Variants in SPIDR observed in about 807,000 individuals in gnomAD.
SPIDR encodes the protein scaffold protein involved in DNA repair.
Under a neutral mutation model 104.6 loss-of-function variants are expected in SPIDR, and 93 were observed. That is an observed-to-expected ratio of 0.89 (90% confidence interval 0.75 to 1.06). The LOEUF (loss-of-function observed/expected upper bound fraction) is 1.06. Among genes scored for constraint, SPIDR ranks in the 50% least tolerant of loss-of-function variants. The pLI, the probability that SPIDR is intolerant of heterozygous loss-of-function variation, is 0.00. For missense variants in SPIDR, 1,154 were observed against 1,111.2 expected, an observed-to-expected ratio of 1.04 and a Z score of -0.55; for synonymous variants, 431 against 416.9, an observed-to-expected ratio of 1.03 and a Z score of -0.41.
At chr8:47,638,070 G>A (rs2068240174) in intron 10 of SPIDR, among the ~76,000 whole-genome samples, 1 of 151,892 alleles carries the variant, frequency 6.6e-6, no homozygotes, top group Admixed American at 6.6e-5. Context: ...TTCCCTTGGA[G>A]TTATTTCAAT....
rs77155514 is a variant in SPIDR, at chr8:47,731,295, A to T, written c.2604+1830A>T. Among the ~76,000 whole-genome samples the T allele has an allele frequency of 7.7e-4, 117 of 151,014 alleles. 2 individuals are homozygous for T. In the East Asian group the frequency reaches 0.021, roughly 27 times the overall value. On this transcript the variant is annotated intron_variant, in intron 19 of 19. Coordinates refer to ENST00000297423, the MANE Select transcript of SPIDR (RefSeq NM_001080394.4). Reference sequence around the variant, plus strand: ...GGCTTCTGCTCCCTCCTGGCACAACACCCACCAGCTTTAAAGCTCCTCAGT... The same window carrying T: ...GGCTTCTGCTCCCTCCTGGCACAACTCCCACCAGCTTTAAAGCTCCTCAGT...
chr8:47,638,860 C>T (rs1312146891), intron 10 of SPIDR, among the ~76,000 whole-genome samples: 1 of 152,174 alleles, frequency 6.6e-6, no homozygotes, highest in African/African-American at 2.4e-5. Flanking sequence ...AGCATTATCA[C>T]ATACTCTAAA....
intron 7 of SPIDR, among the ~76,000 whole-genome samples, chr8:47,432,405 CA>C (rs1463197974): frequency 6.6e-6 from 1 of 152,090 alleles, no homozygotes; most frequent in African/African-American, 2.4e-5. Context: ...GGAGATGGGT[CA>C]GGAGCATCAT....
At chr8:47,311,453 T>G (rs2044135841) in intron 5 of SPIDR, among the ~76,000 whole-genome samples, 1 of 152,112 alleles carries the variant, frequency 6.6e-6, no homozygotes, top group African/African-American at 2.4e-5. Flanking sequence ...AGAAGTTCAG[T>G]GAATTCCAAA....
Position 47,677,126 on chromosome 8 carries a change from G to A in SPIDR, c.1685+3185G>A, listed in dbSNP as rs551367262. The stretch of plus-strand genomic sequence containing the variant: ...CTTCCTTCCTCTCCGGGGCACACCT[G>A]CTATTCCTCAATGACTCTCTACTAA... On this transcript the variant is annotated intron_variant, in intron 11 of 19. Transcript: ENST00000297423. 6.6e-5 allele frequency among the ~76,000 whole-genome samples: 10 copies of A among 152,298 alleles called. No individual in the cohort carries two copies. The East Asian group carries it at 1.5e-3, about 23-fold the overall frequency.
chr8:47,717,568 A>C (rs1374710117), intron 16 of SPIDR, among the ~76,000 whole-genome samples: 1 of 152,172 alleles, frequency 6.6e-6, no homozygotes, highest in African/African-American at 2.4e-5. Context: ...TGCCTGTGGC[A>C]GTAGGCCTGC....
At chr8:47,596,507 G>T (rs2061631863) in intron 9 of SPIDR, among the ~76,000 whole-genome samples, 1 of 152,104 alleles carries the variant, frequency 6.6e-6, no homozygotes, top group Admixed American at 6.5e-5. Flanking sequence ...GATAAAAAAT[G>T]GTGCACCTGT....
intron 14 of SPIDR, among the ~76,000 whole-genome samples, chr8:47,708,361 G>C (rs2081374152): frequency 6.6e-6 from 1 of 152,164 alleles, no homozygotes; most frequent in South Asian, 2.1e-4. Context: ...ATTTTTATTA[G>C]ACTTTTTTCT....
chr8:47,299,944 A>G (rs1045151523), intron 5 of SPIDR, among the ~76,000 whole-genome samples: 2 of 152,164 alleles, frequency 1.3e-5, no homozygotes, highest in Non-Finnish European at 2.9e-5. Flanking sequence ...AGGCTTTGGT[A>G]TCAGGATGAT....
intron 5 of SPIDR, among the ~76,000 whole-genome samples, chr8:47,302,634 C>G (rs1381600260): frequency 6.6e-6 from 1 of 152,102 alleles, no homozygotes; most frequent in Non-Finnish European, 1.5e-5. Flanking sequence ...GTGTGCATGT[C>G]CTTTGTGTTT....
At chr8:47,404,326 C>T (rs1320380953) in intron 6 of SPIDR, among the ~76,000 whole-genome samples, 2 of 152,164 alleles carry the variant, frequency 1.3e-5, no homozygotes, top group Admixed American at 1.3e-4. Context: ...AAAGCAATGG[C>T]AACAAAAGCC....
intron 7 of SPIDR, among the ~76,000 whole-genome samples, chr8:47,410,373 G>T (rs1332646146): frequency 6.6e-6 from 1 of 151,750 alleles, no homozygotes; most frequent in African/African-American, 2.4e-5. Context: ...TTGAGATGGG[G>T]TTTCGCCATG....
intron 11 of SPIDR, among the ~76,000 whole-genome samples, chr8:47,685,842 G>A (rs1335287014): frequency 4.7e-5 from 7 of 147,718 alleles, no homozygotes; most frequent in Non-Finnish European, 6.0e-5. Flanking sequence ...GTGAGCCACC[G>A]TACCTGGCCC....
At chr8:47,364,463 A>G (rs1554633042) in intron 5 of SPIDR, among the ~76,000 whole-genome samples, 2 of 152,212 alleles carry the variant, frequency 1.3e-5, no homozygotes, top group Non-Finnish European at 2.9e-5. Context: ...CAGAGCTTCA[A>G]TGCAAGTTTT....
intron 8 of SPIDR, among the ~76,000 whole-genome samples, chr8:47,454,622 C>T (rs1331770240): frequency 6.6e-5 from 10 of 151,896 alleles, no homozygotes; most frequent in African/African-American, 2.4e-4. Context: ...TACCCTAGAA[C>T]TTAAAGTATA....
Position 47,284,057 on chromosome 8 carries a change from A to G in SPIDR, c.219A>G (p.Thr73=), listed in dbSNP as rs1554561198. The change falls in exon 3 of 20, where the codon ACA becomes ACG. Residue 73 remains threonine, a synonymous_variant. Transcript: ENST00000297423. The part of the protein sequence containing the change: ...PSLTAEEKTI[T]EKHLELCPRP... ...TAACAGCTGAAGAGAAGACGATTAC[A>G]GAAAAGCACCTTGAATTATGCCCTA... The G allele has an allele frequency of 1.2e-6, 2 of 1,612,664 alleles. No individual in the cohort carries two copies. Among genetic ancestry groups the G allele is most frequent in the Admixed American group, 1.7e-5 (1 of 59,960 alleles).
In SPIDR at chr8:47,424,037, C is replaced by T. The variant is rs182230054; in HGVS notation, c.877+16076C>T. Among the ~76,000 whole-genome samples the T allele has an allele frequency of 6.6e-5, 10 of 152,264 alleles. No homozygotes were observed. The East Asian group carries it at 1.9e-3, about 29-fold the overall frequency. On this transcript the variant is annotated intron_variant, in intron 7 of 19. Coordinates refer to ENST00000297423, the MANE Select transcript of SPIDR (RefSeq NM_001080394.4). Reference sequence around the variant, plus strand: ...CCTTATTTTAGAGATGAGGACAATGCAGACACAGGAGAATATGGATGGGTA... The same window carrying T: ...CCTTATTTTAGAGATGAGGACAATGTAGACACAGGAGAATATGGATGGGTA...
rs138972660 is a variant in SPIDR, at chr8:47,676,190, G to A, written c.1685+2249G>A. Among the ~76,000 whole-genome samples the A allele has an allele frequency of 5.9e-3, 892 of 152,320 alleles. 5 individuals carry two copies. The highest frequency in any genetic ancestry group is 0.011 in the Non-Finnish European group (762 of 68,030). On this transcript the variant is annotated intron_variant, in intron 11 of 19. Coordinates refer to ENST00000297423, the MANE Select transcript of SPIDR (RefSeq NM_001080394.4). ...TGTGGTTGGCACTAGAAGCCTAACCGTCTGTAACATTTACATGGGAAATGT... is the reference window on the plus strand; with the variant it reads ...TGTGGTTGGCACTAGAAGCCTAACCATCTGTAACATTTACATGGGAAATGT...
At position 47,396,618 on chromosome 8, in the gene SPIDR, G is replaced by A. The variant is rs2154311949; in HGVS notation, c.768G>A (p.Lys256=). Residue 256 remains lysine, a synonymous_variant, in exon 6 of 20, where the codon AAG becomes AAA. Transcript: ENST00000297423. ...CTCCAGAAAATTCAGCAAAGAAGAA[G>A]CTTTTAAGGTTAAATTATACCCTTT... is the stretch of plus-strand genomic sequence containing the variant. ...PRTPENSAKK[K]LLRGGLAERL... The A allele has an allele frequency of 6.2e-7, 1 of 1,611,486 alleles. No individual in the cohort carries two copies. Among genetic ancestry groups the A allele is most frequent in the Non-Finnish European group, 8.5e-7 (1 of 1,179,182 alleles).
Sources: allele counts gnomAD v4.1 joint callset (sites outside exome capture counted in the v4.1 genomes callset), GRCh38; gene constraint gnomAD v4.1.1; transcripts MANE v1.5; gene names NCBI Gene and HGNC (gene_info 2026-07-23, HGNC 2026-07-21).